TRPM3: variants seen among roughly 807,000 people sequenced by gnomAD.
TRPM3 encodes the protein transient receptor potential cation channel subfamily M member 3.
A neutral mutation model predicts 181.2 loss-of-function variants in TRPM3; 77 were observed. The observed-to-expected ratio is 0.42, with a 90% CI of 0.35 to 0.51. The LOEUF (loss-of-function observed/expected upper bound fraction) is 0.51, where lower values mean the gene tolerates loss of function less well. Among genes scored for constraint, TRPM3 ranks in the 20% least tolerant of loss-of-function variants. The pLI, the probability that TRPM3 is intolerant of heterozygous loss-of-function variation, is 0.01. For synonymous variants in TRPM3, 745 were observed against 796.4 expected, an observed-to-expected ratio of 0.94 and a Z score of 1.09; for missense variants, 1,759 against 2,196.7, an observed-to-expected ratio of 0.80 and a Z score of 3.98.
chr9:70,867,875 C>A (rs1019756273), intron 1 of TRPM3, among the ~76,000 whole-genome samples: 1 of 151,980 alleles, frequency 6.6e-6, no homozygotes, highest in Admixed American at 6.6e-5. Context: ...GTTTCCTAAA[C>A]AAATTCCTTT....
chr9:70,619,034 C>A lies in TRPM3; in HGVS notation c.2191G>T (p.Ala731Ser). Reference protein sequence around the residue: ...DQSYKQDEQLAMKLLTYELKN... With the variant: ...DQSYKQDEQLSMKLLTYELKN... Reference sequence around the variant, plus strand: ...AGCTCATACGTCAGCAGTTTCATGGCCAGCTGTTCGTCCTGCTTGTAGGAC... The same window carrying A: ...AGCTCATACGTCAGCAGTTTCATGGACAGCTGTTCGTCCTGCTTGTAGGAC... The change falls in exon 17 of 26, where the codon GCC (alanine) becomes TCC (serine). Residue 731 changes from alanine (A) to serine (S), a missense_variant. Physicochemically the swap from Ala to Ser is moderately conservative, Grantham distance 99 (BLOSUM62 1). Coordinates refer to ENST00000677713, the MANE Select transcript of TRPM3 (RefSeq NM_001366145.2). The A allele has an allele frequency of 6.2e-7, 1 of 1,614,212 alleles. No individual in the cohort carries two copies. The highest frequency in any genetic ancestry group is 8.5e-7 in the Non-Finnish European group (1 of 1,180,034).
intron 25 of TRPM3, among the ~76,000 whole-genome samples, chr9:70,544,834 G>A (rs2044436897): frequency 6.6e-6 from 1 of 152,124 alleles, no homozygotes; most frequent in Non-Finnish European, 1.5e-5. Flanking sequence ...AGAAGTTTGA[G>A]GATATTGAGT....
chr9:71,251,620 A>G (rs1472650414), intron 1 of TRPM3, among the ~76,000 whole-genome samples: 2 of 152,188 alleles, frequency 1.3e-5, no homozygotes, highest in Admixed American at 6.5e-5. Flanking sequence ...GGGGCACATG[A>G]GATATTTTGA....
At chr9:70,870,322 A>G (rs984877098) in intron 1 of TRPM3, among the ~76,000 whole-genome samples, 2 of 152,054 alleles carry the variant, frequency 1.3e-5, no homozygotes, top group Non-Finnish European at 2.9e-5. Context: ...TTCCCCAGAG[A>G]AAGAAACAAT....
At chr9:71,111,772 C>T (rs2071160403) in intron 1 of TRPM3, among the ~76,000 whole-genome samples, 1 of 152,284 alleles carries the variant, frequency 6.6e-6, no homozygotes, top group South Asian at 2.1e-4. Context: ...TCATTCTTTC[C>T]AATATTTTCT....
chr9:71,390,749 A>C (rs1257688515), intron 1 of TRPM3, among the ~76,000 whole-genome samples: 1 of 152,080 alleles, frequency 6.6e-6, no homozygotes, highest in Non-Finnish European at 1.5e-5. Flanking sequence ...ACAACAACAA[A>C]TGAAATCAGC....
chr9:71,031,901 T>A (rs1261811706), intron 1 of TRPM3, among the ~76,000 whole-genome samples: 2 of 138,516 alleles, frequency 1.4e-5, no homozygotes, highest in African/African-American at 5.4e-5. Flanking sequence ...TACTAATATC[T>A]GGTTATATTT....
intron 1 of TRPM3, among the ~76,000 whole-genome samples, chr9:71,079,288 A>G (rs1397415602): frequency 1.3e-5 from 2 of 152,214 alleles, no homozygotes; most frequent in African/African-American, 2.4e-5. Context: ...AGTTTGATCT[A>G]TGGACAGTGG....
intron 1 of TRPM3, among the ~76,000 whole-genome samples, chr9:70,995,138 T>C (rs980056185): frequency 1.3e-5 from 2 of 152,144 alleles, no homozygotes; most frequent in Non-Finnish European, 2.9e-5. Flanking sequence ...CAGCATTTTC[T>C]TGCCTTACAC....
intron 1 of TRPM3, among the ~76,000 whole-genome samples, chr9:70,937,579 C>T (rs1249513827): frequency 2.0e-5 from 3 of 152,008 alleles, no homozygotes; most frequent in Admixed American, 6.6e-5. Context: ...AAATTGGCTG[C>T]CATTCGTGAG....
Position 70,759,101 on chromosome 9 carries a change from C to T in TRPM3, c.1272+2500G>A, listed in dbSNP as rs191790859. ...TATCCATCTGACAAAGGGCTAATAT[C>T]CAGAATCTATACAAAACTTAAACAC... On this transcript the variant is annotated intron_variant, in intron 8 of 25. Transcript: ENST00000677713. 4.0e-4 allele frequency among the ~76,000 whole-genome samples: 61 copies of T among 152,256 alleles called. 1 individual carries two copies. Among genetic ancestry groups the T allele is most frequent in the African/African-American group, 1.3e-3 (55 of 41,560 alleles).
At position 70,534,003 on chromosome 9, in the gene TRPM3, T is replaced by A. The variant is rs1409920871; in HGVS notation, c.*1950A>T. ...ATAATTAAACAAAAGAACCAGGTAGTATCTCAGGCCAGGAACAATAGATTG... is the reference window on the plus strand; with the variant it reads ...ATAATTAAACAAAAGAACCAGGTAGAATCTCAGGCCAGGAACAATAGATTG... On this transcript the variant is annotated 3_prime_UTR_variant, in exon 26 of 26. Transcript: ENST00000677713. 6.6e-6 allele frequency: 1 copy of A among 152,246 alleles called. No individual in the cohort carries two copies. The allele number at this position is 152,246 out of a possible 1,614,324, so 9.4% of individuals were successfully genotyped here.
chr9:71,063,370 G>A (rs189382905), intron 1 of TRPM3, among the ~76,000 whole-genome samples: 95 of 152,258 alleles, frequency 6.2e-4, no homozygotes, highest in East Asian at 4.5e-3. Context: ...CACACGGCAC[G>A]TGCTGTGTGT....
chr9:70,608,715 C>G (rs1194428092), intron 19 of TRPM3, among the ~76,000 whole-genome samples: 1 of 152,000 alleles, frequency 6.6e-6, no homozygotes, highest in African/African-American at 2.4e-5. Flanking sequence ...TGGTGAACAC[C>G]TGTAATCCCA....
chr9:71,104,112 C>T (rs2068977964), intron 1 of TRPM3, among the ~76,000 whole-genome samples: 1 of 152,048 alleles, frequency 6.6e-6, no homozygotes, highest in African/African-American at 2.4e-5. Flanking sequence ...GATGGGGCTT[C>T]ACCATGTTGG....
intron 1 of TRPM3, among the ~76,000 whole-genome samples, chr9:71,032,027 A>AT (rs2057452283): frequency 6.3e-4 from 2 of 3,150 alleles, no homozygotes; most frequent in Admixed American, 9.8e-3. Context: ...ATATATATAT[A>AT]ATATAAATAT....
At chr9:70,819,797 G>T (rs544617014) in intron 6 of TRPM3, among the ~76,000 whole-genome samples, 25 of 152,196 alleles carry the variant, frequency 1.6e-4, no homozygotes, top group African/African-American at 5.8e-4. Context: ...TATACCCAAG[G>T]TTGATGTTCA....
chr9:71,399,521 CTTTTGTT>C (rs1384707598), intron 1 of TRPM3, among the ~76,000 whole-genome samples: 2 of 107,520 alleles, frequency 1.9e-5, no homozygotes, highest in Non-Finnish European at 4.0e-5. Context: ...CTTATATTTT[CTTTTGTT>C]TTTTTTTTTT....
At chr9:70,782,210 C>CT (rs548450519) in intron 7 of TRPM3, among the ~76,000 whole-genome samples, 4,917 of 138,810 alleles carry the variant, frequency 0.035, 82 homozygotes, top group Middle Eastern at 0.061. Flanking sequence ...TTTTTTTTTT[C>CT]TTTTTTTTTT....
Sources: allele counts gnomAD v4.1 joint callset (sites outside exome capture counted in the v4.1 genomes callset), GRCh38; gene constraint gnomAD v4.1.1; transcripts MANE v1.5; gene names NCBI Gene and HGNC (gene_info 2026-07-23, HGNC 2026-07-21).